Variants in NRDC observed in about 807,000 individuals in gnomAD.
NRDC encodes nardilysin convertase, also known as nardilysin.
A neutral mutation model predicts 147.1 loss-of-function variants in NRDC; 54 were observed. That is an observed-to-expected ratio of 0.37 (90% CI 0.29 to 0.46). NRDC has a LOEUF of 0.46. NRDC is among the 20% of genes least tolerant of loss of function. The pLI is 1.00. For missense variants in NRDC, 1,082 were observed against 1,370.6 expected, an observed-to-expected ratio of 0.79 and a Z score of 3.33; for synonymous variants, 440 against 482.1, an observed-to-expected ratio of 0.91 and a Z score of 1.14.
chr1:51,842,226 GTTTGGTTTTTTTTTT>G (rs1272442639), intron 1 of NRDC, among the ~76,000 whole-genome samples: 2 of 149,354 alleles, frequency 1.3e-5, no homozygotes, highest in Non-Finnish European at 3.0e-5. Flanking sequence ...TAGAAAAAAT[GTTTGGTTTTTTTTTT>G]TTTGGTTTTT....
rs962926761 is a variant in NRDC at position 51,790,715 on chromosome 1, G to C, written c.3052-66C>G. 2.6e-6 allele frequency: 3 copies of C among 1,154,314 alleles called. No homozygotes were observed. In the East Asian group the frequency reaches 7.0e-5, roughly 27 times the overall value. The allele number at this position is 1,154,314 out of a possible 1,614,324, so 71.5% of individuals were successfully genotyped here. A position where few individuals can be genotyped will look rare whatever the true frequency, so the allele number is the denominator to read the frequency against. On this transcript the variant is annotated intron_variant, in intron 28 of 30. Transcript: ENST00000352171. ...TACCACTTCCCACAGAACACACTGG[G>C]CCCTGTCCAGCCCGGCTTGTGATGG...
At chr1:51,855,411 T>C (rs1682185478) in intron 1 of NRDC, among the ~76,000 whole-genome samples, 1 of 152,006 alleles carries the variant, frequency 6.6e-6, no homozygotes, top group Non-Finnish European at 1.5e-5. Flanking sequence ...AATGTTTTTA[T>C]TTAAGAAAAA....
At chr1:51,819,156 G>T (rs1680102739) in intron 9 of NRDC, among the ~76,000 whole-genome samples, 2 of 152,006 alleles carry the variant, frequency 1.3e-5, no homozygotes, top group African/African-American at 4.8e-5. Flanking sequence ...ACAAAAATCA[G>T]CTGGGCATAG....
Position 51,791,500 on chromosome 1 carries a change from A to G in NRDC, c.2960+78T>C. On this transcript the variant is annotated intron_variant, in intron 27 of 30. Transcript: ENST00000352171. ...AAACCTGCTTGGTCAGGGTTGCCCA[A>G]GGTTTAAGGAAACACATGTAGCCCC... 2.4e-6 allele frequency: 3 copies of G among 1,236,614 alleles called. No individual in the cohort carries two copies. In the South Asian group the frequency reaches 3.7e-5, roughly 15 times the overall value. The allele number at this position is 1,236,614 out of a possible 1,614,324, so 76.6% of individuals were successfully genotyped here. A position where few individuals can be genotyped will look rare whatever the true frequency, so the allele number is the denominator to read the frequency against.
At position 51,794,611 on chromosome 1, in the gene NRDC, C is replaced by T; in HGVS notation, c.2637-1G>A. 6.2e-7 allele frequency: 1 copy of T among 1,614,014 alleles called. No homozygotes were observed. Among genetic ancestry groups the T allele is most frequent in the South Asian group, 1.1e-5 (1 of 91,080 alleles). ...CTCCAGAGGCTTGAAGTTTAGTTTG[C>T]TGCAAGAGAATCAGTATGGGTCACT... On this transcript the variant is annotated splice_acceptor_variant, in intron 23 of 30. Coordinates refer to ENST00000352171, the MANE Select transcript of NRDC (RefSeq NM_001101662.2). LOFTEE classifies it high-confidence loss of function.
chr1:51,840,529 A>G lies in NRDC; in HGVS notation c.342-15T>C, dbSNP rs763879474. 2.3e-5 allele frequency: 36 copies of G among 1,542,038 alleles called. No individual in the cohort carries two copies. In the Admixed American group the frequency reaches 7.2e-4, roughly 31 times the overall value. On this transcript the variant is annotated splice_polypyrimidine_tract_variant and intron_variant, in intron 1 of 30. Coordinates refer to ENST00000352171, the MANE Select transcript of NRDC (RefSeq NM_001101662.2). Reference sequence around the variant, plus strand: ...ATTTGATGTATCTGGGGGGAGAAAAAAAAAATCACACATTTTGATTCAGCT... The same window carrying G: ...ATTTGATGTATCTGGGGGGAGAAAAGAAAAATCACACATTTTGATTCAGCT...
intron 1 of NRDC, among the ~76,000 whole-genome samples, chr1:51,863,013 G>GAAAAAAAAAAA (rs562410956): frequency 1.9e-4 from 6 of 32,050 alleles, no homozygotes; most frequent in African/African-American, 2.9e-4. Context: ...CTGTGTGGAG[G>GAAAAAAAAAAA]AAAAAAAAAA....
chr1:51,791,762 T>C (rs1401977301), intron 26 of NRDC, 101 bp from the exon 27 acceptor site: 5 of 976,514 alleles, frequency 5.1e-6, no homozygotes, highest in African/African-American at 4.9e-5. Flanking sequence ...CCCATCCTTA[T>C]TGGAACTGGA....
In NRDC at chr1:51,840,522, G is replaced by GAAAAA; in HGVS notation, c.342-9_342-8insTTTTT. ...TTCTGTAATTTGATGTATCTGGGGG[G>GAAAAA]AGAAAAAAAAAATCACACATTTTGA... On this transcript the variant is annotated splice_polypyrimidine_tract_variant and intron_variant, in intron 1 of 30. Transcript: ENST00000352171. 2 of 1,554,140 alleles carry GAAAAA rather than the reference G, an allele frequency of 1.3e-6. No homozygotes were observed. Among genetic ancestry groups the GAAAAA allele is most frequent in the Admixed American group, 2.0e-5 (1 of 49,132 alleles).
At chr1:51,837,920 C>T (rs943544621) in intron 2 of NRDC, among the ~76,000 whole-genome samples, 1 of 152,200 alleles carries the variant, frequency 6.6e-6, no homozygotes, top group East Asian at 1.9e-4. Context: ...TTAATTCTCA[C>T]ATTTACCTTA....
chr1:51,840,043 A>G, intron 2 of NRDC, 183 bp downstream of exon 2: 1 of 507,770 alleles, frequency 2.0e-6, no homozygotes, highest in South Asian at 3.5e-5. Context: ...TTATATAATG[A>G]GCATTTACTA....
Position 51,878,534 on chromosome 1 carries a change from A to G in NRDC, c.82T>C (p.Trp28Arg), listed in dbSNP as rs759671627. The change falls in exon 1 of 31, where the codon TGG becomes CGG. Residue 28 changes from tryptophan to arginine, a missense_variant. Physicochemically the swap from Trp to Arg is moderately radical, Grantham distance 101. Coordinates refer to ENST00000352171, the MANE Select transcript of NRDC (RefSeq NM_001101662.2). The stretch of plus-strand genomic sequence containing the variant: ...CACCGACCCCGCGTTTCGATTCCCC[A>G]GAGCGCCGCGAGCTCCCGCCCGGCC... ...CEAGRELAAL[W>R]GIETRGRCED... 17 of 1,613,734 alleles carry G rather than the reference A, an allele frequency of 1.1e-5. No homozygotes were observed. Among genetic ancestry groups the G allele is most frequent in the Non-Finnish European group, 1.4e-5 (16 of 1,179,908 alleles).
At chr1:51,809,949 GCCCTACCCAGA>G (rs1679639099) in intron 16 of NRDC, among the ~76,000 whole-genome samples, 2 of 151,700 alleles carry the variant, frequency 1.3e-5, no homozygotes, top group African/African-American at 4.8e-5. Flanking sequence ...AGAATCTCAG[GCCCTACCCAGA>G]CCCTCTGACT....
intron 29 of NRDC, 71 bp from the exon 30 acceptor site, chr1:51,789,728 G>T: frequency 3.8e-6 from 4 of 1,052,882 alleles, no homozygotes; most frequent in Non-Finnish European, 5.9e-6. Flanking sequence ...CCCCCAGGCA[G>T]ATGTCCCTGG....
intron 29 of NRDC, among the ~76,000 whole-genome samples, chr1:51,790,101 G>C (rs1440306525): frequency 6.6e-6 from 1 of 152,212 alleles, no homozygotes; most frequent in Non-Finnish European, 1.5e-5. Flanking sequence ...TAGGGGCTAT[G>C]TATTAACCAA....
intron 1 of NRDC, among the ~76,000 whole-genome samples, chr1:51,875,325 G>C (rs549117425): frequency 6.6e-6 from 1 of 152,146 alleles, no homozygotes; most frequent in Non-Finnish European, 1.5e-5. Flanking sequence ...AAACACTGCT[G>C]TTCTAACCAA....
chr1:51,789,597 C>T lies in NRDC; in HGVS notation c.3229G>A (p.Gly1077Arg). 6.2e-7 allele frequency: 1 copy of T among 1,613,936 alleles called. No homozygotes were observed. Among genetic ancestry groups the T allele is most frequent in the Non-Finnish European group, 8.5e-7 (1 of 1,179,824 alleles). The stretch of plus-strand genomic sequence containing the variant: ...ACGCTGAGCATTTTACTTCCTGGCC[C>T]TCTATGGGCCTTGAACCAGTTGACC... ...DLVNWFKAHR[G>R]PGSKMLSVHV... The change falls in exon 30 of 31, where the codon GGG becomes AGG. Residue 1077 changes from glycine to arginine, a missense_variant. Coordinates refer to ENST00000352171, the MANE Select transcript of NRDC (RefSeq NM_001101662.2).
At chr1:51,854,261 A>AGGAG (rs1396384421) in intron 1 of NRDC, among the ~76,000 whole-genome samples, 9 of 152,154 alleles carry the variant, frequency 5.9e-5, no homozygotes, top group Non-Finnish European at 1.2e-4. Flanking sequence ...CCAGCTACTC[A>AGGAG]GGAGGCTGAG....
Position 51,790,537 on chromosome 1 carries a change from T to C in NRDC, c.3164A>G (p.His1055Arg), listed in dbSNP as rs1182529350. ...TQQYLFDRLA[H>R]EIEALKSFSK... ...TTACTCTGAAAACCATGTTACCTCG[T>C]GGGCAAGGCGGTCAAAGAGGTACTG... The change falls in exon 29 of 31, where the codon CAC (histidine) becomes CGC (arginine). Residue 1055 changes from histidine to arginine, a missense_variant. His to Arg is a conservative substitution (Grantham distance 29). This residue lies in a region of NRDC where 187 missense variants were observed against 193.6 expected (regional missense o/e 0.97). Transcript: ENST00000352171. 5.0e-6 allele frequency: 8 copies of C among 1,608,620 alleles called. No individual in the cohort carries two copies. Among genetic ancestry groups the C allele is most frequent in the Non-Finnish European group, 6.8e-6 (8 of 1,175,146 alleles).
Sources: gnomAD v4.1 joint callset for allele counts (sites outside exome capture counted in the v4.1 genomes callset) on GRCh38, gnomAD v4.1.1 for gene constraint, gnomAD v4.1.1 regional missense constraint, MANE v1.5 for transcripts, NCBI Gene and HGNC (gene_info 2026-07-23, HGNC 2026-07-21) for gene names.